ARL17B: variants seen among roughly 807,000 people sequenced by gnomAD.
ARL17B encodes ADP-ribosylation factor-like protein 17.
At chr17:46,275,371 C>T in exon 5 of ARL17B, 1 of 1,002,230 alleles carries the variant, frequency 1.0e-6, no homozygotes, top group African/African-American at 1.7e-5. Context: ...GTTAGGTTAA[C>T]ATGCTGAACT....
rs1309024158 is a variant in ARL17B at position 46,291,416 on chromosome 17, G to C, written c.*21+8110C>G. Among the ~76,000 whole-genome samples the C allele has an allele frequency of 2.6e-5, 4 of 152,110 alleles. 1 individual carries two copies. The Middle Eastern group carries it at 0.013, about 481-fold the overall frequency. ...GCCTTCTAGACTCCAGATGCAGAAGGAGGAAGTGGTGGCTGAACACTAACA... is the reference window on the plus strand; with the variant it reads ...GCCTTCTAGACTCCAGATGCAGAAGCAGGAAGTGGTGGCTGAACACTAACA... On this transcript the variant is annotated intron_variant, in intron 4 of 4. Transcript: ENST00000570618.
chr17:46,334,469 G>T (rs1176651290), downstream of ARL17B, among the ~76,000 whole-genome samples: 1 of 4,374 alleles, frequency 2.3e-4, no homozygotes, highest in Non-Finnish European at 5.4e-4. Context: ...GGGCCTTGTT[G>T]TCACCCAGGC....
rs548770924 is a variant in ARL17B, at chr17:46,278,409, T to G, written c.*22-2991A>C. Among the ~76,000 whole-genome samples the G allele has an allele frequency of 4.1e-3, 429 of 104,972 alleles. 1 individual carries two copies. Among genetic ancestry groups the G allele is most frequent in the South Asian group, 6.7e-3 (27 of 4,036 alleles). The allele number at this position is 104,972 out of a possible 152,430, so 68.9% of individuals were successfully genotyped here. A position where few individuals can be genotyped will look rare whatever the true frequency, so the allele number is the denominator to read the frequency against. On this transcript the variant is annotated intron_variant, in intron 4 of 4. Transcript: ENST00000570618. Reference sequence around the variant, plus strand: ...CTGTTTTGTTTTATTTTGTTTTTTTTTTGTTGTTGTTTTAAGATGGAGTCT... The same window carrying G: ...CTGTTTTGTTTTATTTTGTTTTTTTGTTGTTGTTGTTTTAAGATGGAGTCT...
At chr17:46,291,486 A>T (rs147981960) in intron 4 of ARL17B, among the ~76,000 whole-genome samples, 1 of 150,730 alleles carries the variant, frequency 6.6e-6, no homozygotes, top group Non-Finnish European at 1.5e-5. Context: ...GCTGTGTGTG[A>T]GGCAGTGATA....
At chr17:46,275,812 A>G (rs1259067070) in intron 4 of ARL17B, among the ~76,000 whole-genome samples, 1 of 152,264 alleles carries the variant, frequency 6.6e-6, no homozygotes, top group African/African-American at 2.4e-5. Flanking sequence ...ATTATGCTAA[A>G]ACAAAAGAAA....
chr17:46,281,236 C>T (rs2143354194), intron 4 of ARL17B, among the ~76,000 whole-genome samples: 1 of 152,242 alleles, frequency 6.6e-6, no homozygotes, highest in South Asian at 2.1e-4. Flanking sequence ...CCCCCCACCC[C>T]TCATAGAGTG....
intron 4 of ARL17B, among the ~76,000 whole-genome samples, chr17:46,288,357 G>A (rs1460874897): frequency 2.1e-5 from 3 of 145,830 alleles, no homozygotes; most frequent in East Asian, 4.0e-4. Flanking sequence ...CTCCCAGGCT[G>A]GAGTACAGTG....
At chr17:46,290,173 C>T (rs1410314196) in intron 4 of ARL17B, among the ~76,000 whole-genome samples, 2 of 152,208 alleles carry the variant, frequency 1.3e-5, no homozygotes, top group African/African-American at 2.4e-5. Flanking sequence ...TTGATCGCCC[C>T]GGCTAGAGTA....
At chr17:46,286,739 C>G (rs1244584007) in intron 4 of ARL17B, among the ~76,000 whole-genome samples, 1 of 152,086 alleles carries the variant, frequency 6.6e-6, no homozygotes, top group African/African-American at 2.4e-5. Context: ...AATAAGTAAC[C>G]AGTCAGAGCA....
intron 4 of ARL17B, among the ~76,000 whole-genome samples, chr17:46,284,566 CTTTCTT>C (rs2049855540): frequency 6.6e-6 from 1 of 152,248 alleles, no homozygotes; most frequent in African/African-American, 2.4e-5. Flanking sequence ...TCTGATCTCT[CTTTCTT>C]TTCCCCACAG....
At chr17:46,275,913 C>T (rs1309426436) in intron 4 of ARL17B, among the ~76,000 whole-genome samples, 4 of 150,400 alleles carry the variant, frequency 2.7e-5, no homozygotes, top group East Asian at 1.9e-4. Context: ...TTTTTTGAGA[C>T]GAAGTCTCGC....
At chr17:46,292,149 T>C (rs868579695) in intron 4 of ARL17B, among the ~76,000 whole-genome samples, 7 of 125,466 alleles carry the variant, frequency 5.6e-5, no homozygotes, top group African/African-American at 1.4e-4. Flanking sequence ...TTGGCTAACA[T>C]GGTGAAACCC....
At position 46,311,636 on chromosome 17, in the gene ARL17B, G is replaced by A. The variant is rs2050803823; in HGVS notation, c.260-11971C>T. Among the ~76,000 whole-genome samples the A allele has an allele frequency of 2.2e-5, 2 of 91,984 alleles. 1 individual carries two copies. The highest frequency in any genetic ancestry group is 6.6e-5 in the African/African-American group (2 of 30,250). The allele number at this position is 91,984 out of a possible 152,430, so 60.3% of individuals were successfully genotyped here. A position where few individuals can be genotyped will look rare whatever the true frequency, so the allele number is the denominator to read the frequency against. ...GGAAAAAAAAAAACAGGCAAGAAAT[G>A]TTCCCTTATTTTGTGAGCTACCTTT... On this transcript the variant is annotated intron_variant, in intron 3 of 4. Transcript: ENST00000434041.
chr17:46,292,152 T>A (rs112884673), intron 4 of ARL17B, among the ~76,000 whole-genome samples: 15,247 of 117,778 alleles, frequency 0.13, 25 homozygotes, highest in Non-Finnish European at 0.2. Flanking sequence ...GCTAACATGG[T>A]GAAACCCCGT....
At chr17:46,304,756 G>T (rs2050457660) in intron 3 of ARL17B, among the ~76,000 whole-genome samples, 1 of 44,812 alleles carries the variant, frequency 2.2e-5, no homozygotes, top group African/African-American at 4.1e-5. Flanking sequence ...TAGGTAAAGG[G>T]GTAGCTTCCT....
chr17:46,351,920 C>T (rs2052760474), intron 3 of ARL17B, among the ~76,000 whole-genome samples: 1 of 152,272 alleles, frequency 6.6e-6, no homozygotes, highest in Admixed American at 6.5e-5. Context: ...ATTCAACCCA[C>T]CTTGAACCAA....
At chr17:46,313,891 ATT>A (rs1371856066) in intron 3 of ARL17B, among the ~76,000 whole-genome samples, 2 of 69,880 alleles carry the variant, frequency 2.9e-5, no homozygotes, top group African/African-American at 7.3e-5. Context: ...TAAAAAATTG[ATT>A]TGTCTTTTTA....
rs201102256 is a variant in ARL17B, at chr17:46,350,575, AG to A, written c.259+2244del. ...AATAAGCAGTTAAAAAAAAAAAAAAAGGGGGGGGGAGGCCAGGCGAGGTGGC... is the reference window on the plus strand; with the variant it reads ...AATAAGCAGTTAAAAAAAAAAAAAAAGGGGGGGGAGGCCAGGCGAGGTGGC... On this transcript the variant is annotated intron_variant, in intron 3 of 3. Transcript: ENST00000450673. Among the ~76,000 whole-genome samples, 56 of 81,580 alleles carry A rather than the reference AG, an allele frequency of 6.9e-4. 2 individuals are homozygous for A. The highest frequency in any genetic ancestry group is 4.2e-3 in the South Asian group (8 of 1,884). 53.5% of individuals were successfully genotyped at this position (81,580 alleles called of 152,430 possible).
intron 4 of ARL17B, among the ~76,000 whole-genome samples, chr17:46,281,121 TTC>T (rs201936061): frequency 0.034 from 5,243 of 152,280 alleles, 135 homozygotes; most frequent in Non-Finnish European, 0.052. Flanking sequence ...ATCTAAAAGT[TTC>T]TTTTATTCTT....
Sources: gnomAD v4.1 joint callset for allele counts (sites outside exome capture counted in the v4.1 genomes callset) on GRCh38, gnomAD v4.1.1 for gene constraint, MANE v1.5 for transcripts, NCBI Gene and HGNC (gene_info 2026-07-23, HGNC 2026-07-21) for gene names.